LRRTM4: variants seen among roughly 807,000 people sequenced by gnomAD.
LRRTM4 encodes the protein leucine-rich repeat transmembrane neuronal protein 4.
A neutral mutation model predicts 47.6 loss-of-function variants in LRRTM4; 25 were observed. That is an observed-to-expected ratio of 0.53 (90% CI 0.38 to 0.73). The LOEUF (loss-of-function observed/expected upper bound fraction) is 0.73. LRRTM4 is among the 30% of genes least tolerant of loss of function. LRRTM4 has a pLI of 0.00. For missense variants in LRRTM4, 638 were observed against 713.4 expected, an observed-to-expected ratio of 0.89 and a Z score of 1.20; for synonymous variants, 311 against 269.5, an observed-to-expected ratio of 1.15 and a Z score of -1.51.
At chr2:76,891,646 G>A (rs1165638815) in intron 3 of LRRTM4, among the ~76,000 whole-genome samples, 1 of 151,576 alleles carries the variant, frequency 6.6e-6, no homozygotes, top group African/African-American at 2.4e-5. Flanking sequence ...TACCTAAAAG[G>A]TATTAGACGA....
chr2:77,445,433 G>A (rs1295677293), intron 3 of LRRTM4, among the ~76,000 whole-genome samples: 2 of 151,704 alleles, frequency 1.3e-5, no homozygotes, highest in Non-Finnish European at 2.9e-5. Context: ...TACACCAAAT[G>A]CCCAGCATAT....
At chr2:77,311,983 C>T (rs1161332821) in intron 3 of LRRTM4, among the ~76,000 whole-genome samples, 1 of 152,110 alleles carries the variant, frequency 6.6e-6, no homozygotes, top group African/African-American at 2.4e-5. Context: ...AAATAAATAG[C>T]AGACACAGTA....
At chr2:77,372,044 G>T (rs1367401612) in intron 3 of LRRTM4, among the ~76,000 whole-genome samples, 2 of 151,710 alleles carry the variant, frequency 1.3e-5, no homozygotes, top group African/African-American at 4.8e-5. Context: ...TGCAAATGGT[G>T]CATGTGGTAC....
At chr2:76,911,940 G>GTTT (rs1364530510) in intron 3 of LRRTM4, among the ~76,000 whole-genome samples, 22,366 of 136,290 alleles carry the variant, frequency 0.16, 3,413 homozygotes, top group Admixed American at 0.24. Flanking sequence ...CTTTTTGGGG[G>GTTT]GGGGGGGGGG....
chr2:76,879,356 T>C lies in LRRTM4; in HGVS notation c.1552-130440A>G, dbSNP rs796881572. 9.5e-4 allele frequency among the ~76,000 whole-genome samples: 144 copies of C among 152,304 alleles called. 1 individual carries two copies. The highest frequency in any genetic ancestry group is 3.3e-3 in the African/African-American group (139 of 41,562). On this transcript the variant is annotated intron_variant, in intron 3 of 3. Coordinates refer to ENST00000409884, the MANE Select transcript of LRRTM4 (RefSeq NM_001134745.3). Reference sequence around the variant, plus strand: ...CTTTAAGTTGCAGCCAATGCTCATTTACCATTCCTAAAATTTTAGGGCCAT... The same window carrying C: ...CTTTAAGTTGCAGCCAATGCTCATTCACCATTCCTAAAATTTTAGGGCCAT...
chr2:77,219,937 C>G (rs1674570997), intron 3 of LRRTM4, among the ~76,000 whole-genome samples: 1 of 152,166 alleles, frequency 6.6e-6, no homozygotes, highest in South Asian at 2.1e-4. Flanking sequence ...CCCGAGTAGC[C>G]TAACTGGGAG....
rs75633599 is a variant in LRRTM4, at chr2:76,767,249, T to C, written c.1552-18333A>G. Reference sequence around the variant, plus strand: ...CAGCAATTTATATGGACGTTTAACATCATCTTAATTTGTGTATTACATTAG... The same window carrying C: ...CAGCAATTTATATGGACGTTTAACACCATCTTAATTTGTGTATTACATTAG... On this transcript the variant is annotated intron_variant, in intron 3 of 3. Transcript: ENST00000409884. 4.3e-3 allele frequency among the ~76,000 whole-genome samples: 651 copies of C among 152,336 alleles called. 3 individuals are homozygous for C. Among genetic ancestry groups the C allele is most frequent in the African/African-American group, 0.015 (627 of 41,578 alleles).
intron 3 of LRRTM4, among the ~76,000 whole-genome samples, chr2:77,072,608 G>C (rs987003261): frequency 1.8e-4 from 27 of 151,806 alleles, no homozygotes; most frequent in Non-Finnish European, 3.1e-4. Context: ...GACCAGCCTG[G>C]CCAACATGAC....
chr2:77,340,921 T>C (rs1466053121), intron 3 of LRRTM4, among the ~76,000 whole-genome samples: 1 of 151,938 alleles, frequency 6.6e-6, no homozygotes. Context: ...CACAATCTCA[T>C]AAAATACCTC....
chr2:77,451,885 G>A (rs1676268595), intron 3 of LRRTM4, among the ~76,000 whole-genome samples: 1 of 152,198 alleles, frequency 6.6e-6, no homozygotes, highest in African/African-American at 2.4e-5. Context: ...GAGCCTTTGA[G>A]ACAAAGGGAT....
chr2:76,811,522 G>C (rs963878828), intron 3 of LRRTM4, among the ~76,000 whole-genome samples: 8 of 152,128 alleles, frequency 5.3e-5, no homozygotes, highest in Non-Finnish European at 1.0e-4. Flanking sequence ...GCTTAGCTAA[G>C]GCCATTCATC....
chr2:77,505,500 C>T (rs1329986601), intron 3 of LRRTM4, among the ~76,000 whole-genome samples: 1 of 151,172 alleles, frequency 6.6e-6, no homozygotes, highest in Non-Finnish European at 1.5e-5. Context: ...ATACAGTAGT[C>T]AAATTAAAGT....
chr2:76,760,472 A>T (rs1323510001), intron 3 of LRRTM4, among the ~76,000 whole-genome samples: 1 of 152,168 alleles, frequency 6.6e-6, no homozygotes, highest in Non-Finnish European at 1.5e-5. Context: ...ATGGGTGCTT[A>T]TGAAGTCAGC....
chr2:77,338,870 C>A (rs1445475923), intron 3 of LRRTM4, among the ~76,000 whole-genome samples: 2 of 151,884 alleles, frequency 1.3e-5, no homozygotes, highest in African/African-American at 4.8e-5. Context: ...CAATGGTGGA[C>A]TGGATGAAGA....
intron 3 of LRRTM4, among the ~76,000 whole-genome samples, chr2:77,432,421 T>C (rs1675418226): frequency 1.3e-5 from 2 of 152,244 alleles, no homozygotes; most frequent in Admixed American, 6.5e-5. Context: ...TGTCAAATAA[T>C]TGTGGAAGAT....
chr2:77,296,426 T>C (rs1573211486), intron 3 of LRRTM4, among the ~76,000 whole-genome samples: 1 of 152,214 alleles, frequency 6.6e-6, no homozygotes, highest in African/African-American at 2.4e-5. Flanking sequence ...ACCTTCTTTG[T>C]AATAAGACAT....
chr2:77,327,542 T>C (rs911565843), intron 3 of LRRTM4, among the ~76,000 whole-genome samples: 1 of 152,076 alleles, frequency 6.6e-6, no homozygotes, highest in Non-Finnish European at 1.5e-5. Flanking sequence ...GGTAAGGAAA[T>C]AAAAGAACAA....
rs189140340 is a variant in LRRTM4, at chr2:77,270,888, A to C, written c.1551+247430T>G. On this transcript the variant is annotated intron_variant, in intron 3 of 3. Coordinates refer to ENST00000409884, the MANE Select transcript of LRRTM4 (RefSeq NM_001134745.3). ...ATTGGTTTTCTACACTGCCGTGCCC[A>C]CTTTAGAGTTGTGTCTTTGCTTTAA... Among the ~76,000 whole-genome samples, 16 of 152,260 alleles carry C rather than the reference A, an allele frequency of 1.1e-4. No homozygotes were observed. In the East Asian group the frequency reaches 2.1e-3, roughly 20 times the overall value.
intron 3 of LRRTM4, among the ~76,000 whole-genome samples, chr2:76,823,342 A>G (rs535886696): frequency 1.3e-5 from 2 of 151,616 alleles, no homozygotes; most frequent in African/African-American, 4.8e-5. Flanking sequence ...TCAGCCATGA[A>G]TACATAATCA....
Sources: allele counts gnomAD v4.1 joint callset (sites outside exome capture counted in the v4.1 genomes callset), GRCh38; gene constraint gnomAD v4.1.1; transcripts MANE v1.5; gene names NCBI Gene and HGNC (gene_info 2026-07-23, HGNC 2026-07-21).